TSPAN8: variants seen among roughly 807,000 people sequenced by gnomAD.
The protein encoded by TSPAN8 is tetraspanin 8, also known as tetraspanin-8.
A neutral mutation model predicts 32.8 loss-of-function variants in TSPAN8; 21 were observed. The ratio of observed to expected loss-of-function variants is 0.64; its 90% CI spans 0.45 to 0.92. TSPAN8 has a LOEUF of 0.92. TSPAN8 is among the 40% of genes least tolerant of loss of function. The probability of loss-of-function intolerance (pLI) is 0.00; values close to 1 mark genes in which losing one functional copy is unlikely to be tolerated. For synonymous variants in TSPAN8, 95 were observed against 94.6 expected (o/e 1.00, Z -0.03); for missense variants, 269 against 281.9 (o/e 0.95, Z 0.33).
chr12:71,130,880 T>C (rs1486300873), intron 7 of TSPAN8, among the ~76,000 whole-genome samples: 1 of 152,230 alleles, frequency 6.6e-6, no homozygotes, highest in Non-Finnish European at 1.5e-5. Context: ...CCATATTTTT[T>C]ATTTTACCAG....
intron 3 of TSPAN8, 135 bp downstream of exon 3, chr12:71,144,016 A>G (rs1592407024): frequency 1.5e-6 from 1 of 677,674 alleles, no homozygotes; most frequent in Non-Finnish European, 2.4e-6. Context: ...AAATCACATA[A>G]CAGCACAAGT....
Position 71,144,033 on chromosome 12 carries a change from A to C in TSPAN8, c.123+118T>G, listed in dbSNP as rs556095645. On this transcript the variant is annotated intron_variant, in intron 3 of 8. Transcript: ENST00000247829. ...ATCACATAACAGCACAAGTGATTAC[A>C]TGAAGCAGTTAAGAAAAATGTTTTA... 6 of 791,406 alleles carry C rather than the reference A, an allele frequency of 7.6e-6. No homozygotes were observed. The African/African-American group carries it at 1.0e-4, about 14-fold the overall frequency. 49.0% of individuals were successfully genotyped at this position (791,406 alleles called of 1,614,324 possible).
intron 6 of TSPAN8, 144 bp downstream of exon 6, chr12:71,137,809 T>A: frequency 1.4e-6 from 1 of 692,228 alleles, no homozygotes; most frequent in Non-Finnish European, 2.3e-6. Flanking sequence ...TATCTTAGAT[T>A]TTTCTTATTG....
intron 2 of TSPAN8, chr12:71,157,406 C>T (rs1872478550): frequency 4.3e-6 from 2 of 467,368 alleles, no homozygotes; most frequent in Non-Finnish European, 7.6e-6. Context: ...AAATGTTTAT[C>T]CTCACATTCT....
At chr12:71,156,465 A>C (rs917642908) in intron 2 of TSPAN8, among the ~76,000 whole-genome samples, 1 of 111,732 alleles carries the variant, frequency 8.9e-6, no homozygotes, top group Non-Finnish European at 1.7e-5. Context: ...TTTAACCTAA[A>C]AACAGCAGCC....
chr12:71,139,474 A>T (rs11608479), intron 4 of TSPAN8, among the ~76,000 whole-genome samples: 11,678 of 77,286 alleles, frequency 0.15, no homozygotes, highest in African/African-American at 0.2. Context: ...ATGTTGAATG[A>T]GTGAATGAAT....
intron 2 of TSPAN8, chr12:71,156,918 A>G (rs1170569901): frequency 1.3e-5 from 2 of 152,200 alleles, no homozygotes; most frequent in Non-Finnish European, 2.9e-5. Context: ...TCCATTATCT[A>G]TTGATAGATA....
intron 7 of TSPAN8, among the ~76,000 whole-genome samples, chr12:71,131,412 T>A (rs1262315777): frequency 6.6e-6 from 1 of 152,112 alleles, no homozygotes; most frequent in East Asian, 1.9e-4. Context: ...TTAATTTTGA[T>A]AAGATCAGTG....
intron 7 of TSPAN8, among the ~76,000 whole-genome samples, chr12:71,131,890 G>T (rs1485907158): frequency 1.3e-5 from 2 of 151,938 alleles, no homozygotes; most frequent in African/African-American, 4.8e-5. Flanking sequence ...CCATTGGATT[G>T]AAGTTGCCTA....
intron 7 of TSPAN8, among the ~76,000 whole-genome samples, chr12:71,131,756 C>T (rs575957655): frequency 1.4e-4 from 19 of 131,704 alleles, no homozygotes; most frequent in Admixed American, 6.6e-4. Context: ...CTAAGCAGAA[C>T]GAACAACTTA....
At chr12:71,151,120 G>A (rs1379067041) in intron 2 of TSPAN8, among the ~76,000 whole-genome samples, 1 of 150,302 alleles carries the variant, frequency 6.7e-6, no homozygotes, top group Non-Finnish European at 1.5e-5. Flanking sequence ...CTGGAGTGCA[G>A]TGGCGCGATC....
chr12:71,131,329 T>C (rs989170284), intron 7 of TSPAN8, among the ~76,000 whole-genome samples: 6 of 152,134 alleles, frequency 3.9e-5, no homozygotes, highest in African/African-American at 1.2e-4. Context: ...AGATTATTTA[T>C]TGAGTTACTT....
rs201761192 is a variant in TSPAN8, at chr12:71,138,201, G to C, written c.291C>G (p.Leu97=). The change falls in exon 5 of 9, where the codon CTC becomes CTG. Residue 97 remains leucine, a synonymous_variant. Transcript: ENST00000247829. ...LFFIGLLLIL[L]LQVATGILGA... is the part of the protein sequence containing the mutation. ...CTAGGATACCTGTCGCCACCTGCAGGAGCAGGATCAGAAGCAAGCCTATGA... is the reference window on the plus strand; with the variant it reads ...CTAGGATACCTGTCGCCACCTGCAGCAGCAGGATCAGAAGCAAGCCTATGA... 6.2e-7 allele frequency: 1 copy of C among 1,613,952 alleles called. No homozygotes were observed. Among genetic ancestry groups the C allele is most frequent in the Non-Finnish European group, 8.5e-7 (1 of 1,179,946 alleles).
chr12:71,152,880 T>C (rs778795900), intron 2 of TSPAN8, among the ~76,000 whole-genome samples: 1 of 152,176 alleles, frequency 6.6e-6, no homozygotes, highest in Non-Finnish European at 1.5e-5. Flanking sequence ...GCACATCCAA[T>C]CTCAATAAAA....
Position 71,156,273 on chromosome 12 carries a change from C to CA in TSPAN8, c.60+1345dup, listed in dbSNP as rs1361979359. Among the ~76,000 whole-genome samples, 42 of 36,582 alleles carry CA rather than the reference C, an allele frequency of 1.1e-3. 1 individual carries two copies. The highest frequency in any genetic ancestry group is 1.1e-3 in the Non-Finnish European group (20 of 17,534). The allele number at this position is 36,582 out of a possible 152,430, so 24.0% of individuals were successfully genotyped here. On this transcript the variant is annotated intron_variant, in intron 2 of 8. Transcript: ENST00000247829. ...TCCAAAAAAAAAAAAAAAAAACAAA[C>CA]AAAAAAAAAACTAGAAACAAAACAA...
intron 2 of TSPAN8, among the ~76,000 whole-genome samples, chr12:71,155,471 T>C (rs751359909): frequency 2.0e-5 from 3 of 152,110 alleles, no homozygotes; most frequent in Non-Finnish European, 4.4e-5. Flanking sequence ...CACCAGTGCA[T>C]AAAATTTCAG....
chr12:71,147,438 G>A (rs1032896713), intron 2 of TSPAN8, among the ~76,000 whole-genome samples: 4 of 152,068 alleles, frequency 2.6e-5, no homozygotes, highest in East Asian at 3.9e-4. Context: ...ACACCTTTTA[G>A]GTAAGCTTAA....
chr12:71,150,531 A>T (rs1253151060), intron 2 of TSPAN8, among the ~76,000 whole-genome samples: 1 of 152,174 alleles, frequency 6.6e-6, no homozygotes, highest in Non-Finnish European at 1.5e-5. Context: ...CACCCCCGGC[A>T]GCCCAGCTGT....
intron 2 of TSPAN8, among the ~76,000 whole-genome samples, chr12:71,152,841 CT>C (rs1872301470): frequency 6.6e-6 from 1 of 152,188 alleles, no homozygotes; most frequent in South Asian, 2.1e-4. Flanking sequence ...GTTATGTCTG[CT>C]TTGCCTCCAA....
Sources: gnomAD v4.1 joint callset for allele counts (sites outside exome capture counted in the v4.1 genomes callset) on GRCh38, gnomAD v4.1.1 for gene constraint, MANE v1.5 for transcripts, NCBI Gene and HGNC (gene_info 2026-07-23, HGNC 2026-07-21) for gene names.